PIEZO2: variants seen among roughly 807,000 people sequenced by gnomAD.
PIEZO2 encodes the protein piezo type mechanosensitive ion channel component 2, also known as piezo-type mechanosensitive ion channel component 2.
A neutral mutation model predicts 337.3 loss-of-function variants in PIEZO2; 172 were observed. The observed-to-expected ratio is 0.51, with a 90% CI of 0.45 to 0.58. PIEZO2 has a LOEUF of 0.58. PIEZO2 is among the 20% of genes least tolerant of loss of function. The probability of loss-of-function intolerance (pLI) is 0.00; values close to 1 mark genes in which losing one functional copy is unlikely to be tolerated. For missense variants in PIEZO2, 3,028 were observed against 3,391.3 expected (o/e 0.89, Z 2.66); for synonymous variants, 1,251 against 1,228.5 (o/e 1.02, Z -0.38).
rs1324357923 is a variant in PIEZO2, at chr18:10,696,159, C to G, written c.7105G>C (p.Val2369Leu). 4.3e-6 allele frequency: 7 copies of G among 1,614,034 alleles called. No individual in the cohort carries two copies. Among genetic ancestry groups the G allele is most frequent in the Non-Finnish European group, 5.1e-6 (6 of 1,179,968 alleles). The change falls in exon 47 of 56, where the codon GTA (valine) becomes CTA (leucine). Residue 2369 changes from valine to leucine, a missense_variant. This residue lies in a region of PIEZO2 where 179 missense variants were observed against 281.8 expected (regional missense o/e 0.64). Coordinates refer to ENST00000674853, the MANE Select transcript of PIEZO2 (RefSeq NM_001378183.1). Reference protein sequence around the residue: ...VDRALYLRKTVLGKVIFQVIL... With the variant: ...VDRALYLRKTLLGKVIFQVIL... ...ACCTGGAAGATGACCTTTCCCAGTA[C>G]AGTCTTCCTGAGGTAGAGGGCTCGG...
intron 1 of PIEZO2, among the ~76,000 whole-genome samples, chr18:11,124,987 A>T (rs1437980671): frequency 6.6e-6 from 1 of 152,166 alleles, no homozygotes; most frequent in East Asian, 1.9e-4. Context: ...GTCCAGGTGT[A>T]GATCTACCAC....
intron 1 of PIEZO2, among the ~76,000 whole-genome samples, chr18:11,072,185 C>T (rs1175335294): frequency 6.6e-6 from 1 of 152,162 alleles, no homozygotes; most frequent in Non-Finnish European, 1.5e-5. Context: ...TCTTTGTTAT[C>T]TCTGTCATCT....
In PIEZO2 at chr18:10,828,145, T is replaced by G. The variant is rs990281388; in HGVS notation, c.918-20871A>C. 2.0e-5 allele frequency among the ~76,000 whole-genome samples: 3 copies of G among 150,492 alleles called. No individual in the cohort carries two copies. Among genetic ancestry groups the G allele is most frequent in the Admixed American group, 6.6e-5 (1 of 15,144 alleles). On this transcript the variant is annotated intron_variant, in intron 7 of 55. Transcript: ENST00000674853. The surrounding 1 kb of genome is among the most constrained non-coding windows in gnomAD (Gnocchi z 4.1). Reference sequence around the variant, plus strand: ...TTTTTTGTTTGTTTGTTTTTGTTTTTTTTTTTTTTTACAGTAAAACCAATC... The same window carrying G: ...TTTTTTGTTTGTTTGTTTTTGTTTTGTTTTTTTTTTACAGTAAAACCAATC...
At position 10,731,466 on chromosome 18, in the gene PIEZO2, T is replaced by C. The variant is rs1254076167; in HGVS notation, c.4970A>G (p.Lys1657Arg). The C allele has an allele frequency of 6.5e-7, 1 of 1,535,830 alleles. No individual in the cohort carries two copies. Among genetic ancestry groups the C allele is most frequent in the Middle Eastern group, 1.7e-4 (1 of 5,984 alleles). The change falls in exon 36 of 56, where the codon AAA (lysine) becomes AGA (arginine). Residue 1657 changes from lysine (K) to arginine (R), a missense_variant. This residue lies in a region of PIEZO2 where 1,925 missense variants were observed against 2,051.9 expected (regional missense o/e 0.94). Transcript: ENST00000674853. ...DPKTALRQRHKEKKRSAREER... is the reference protein window; with the variant it reads ...DPKTALRQRHREKKRSAREER... ...TTCTCTTGCAGACCTTTTTTTCTCT[T>C]TGTGTCTTTGTCGGAGTGCTGTTTT...
chr18:10,961,748 G>A (rs1419586744), intron 3 of PIEZO2, among the ~76,000 whole-genome samples: 1 of 151,914 alleles, frequency 6.6e-6, no homozygotes, highest in Non-Finnish European at 1.5e-5. Context: ...TCCACAAAGA[G>A]AATTTGAGTT....
In PIEZO2 at chr18:10,688,512, C is replaced by T. The variant is rs116751590; in HGVS notation, c.7497+1143G>A. The stretch of plus-strand genomic sequence containing the variant: ...GACTTAGGGCAGAGGTTTCATAAGT[C>T]CCCTGTGTGTGATCCTTTGCATGTA... On this transcript the variant is annotated intron_variant, in intron 49 of 55. Transcript: ENST00000674853. Among the ~76,000 whole-genome samples the T allele has an allele frequency of 7.6e-3, 1,158 of 152,150 alleles. 12 individuals are homozygous for T. The highest frequency in any genetic ancestry group is 0.026 in the African/African-American group (1,094 of 41,474).
chr18:11,114,416 A>G (rs761989464), intron 1 of PIEZO2, among the ~76,000 whole-genome samples: 3 of 152,262 alleles, frequency 2.0e-5, no homozygotes, highest in Non-Finnish European at 4.4e-5. Flanking sequence ...CTGTAATCCC[A>G]GCACTTTGGG....
rs896000182 is a variant in PIEZO2, at chr18:10,707,519, C to T, written c.5588+756G>A. Among the ~76,000 whole-genome samples the T allele has an allele frequency of 6.6e-5, 10 of 152,180 alleles. No individual in the cohort carries two copies. Among genetic ancestry groups the T allele is most frequent in the African/African-American group, 1.9e-4 (8 of 41,448 alleles). ...AAAACGAAACTTGTCTTGGATTAGG[C>T]TGTTTTCGTGTCAGGAGAAACACAG... On this transcript the variant is annotated intron_variant, in intron 40 of 55. Transcript: ENST00000674853. This position sits in a 1 kb window ranked among gnomAD's most constrained non-coding sequence, Gnocchi z 4.2.
At chr18:11,062,799 T>G (rs950801730) in intron 2 of PIEZO2, among the ~76,000 whole-genome samples, 1 of 152,324 alleles carries the variant, frequency 6.6e-6, no homozygotes, top group Non-Finnish European at 1.5e-5. Flanking sequence ...GGAACACTTT[T>G]ACACTGTTGG....
chr18:10,752,313 T>G (rs1169864046), intron 28 of PIEZO2, among the ~76,000 whole-genome samples: 1 of 152,240 alleles, frequency 6.6e-6, no homozygotes, highest in African/African-American at 2.4e-5. Flanking sequence ...CAGGGCCACT[T>G]CATAACTCAT....
chr18:10,782,229 A>AT (rs2039015018), intron 17 of PIEZO2, among the ~76,000 whole-genome samples: 3 of 130,004 alleles, frequency 2.3e-5, no homozygotes, highest in African/African-American at 8.7e-5. Context: ...ATCATAATAT[A>AT]TATGATTATA....
chr18:11,060,567 A>G (rs978345177), intron 2 of PIEZO2, among the ~76,000 whole-genome samples: 1 of 152,248 alleles, frequency 6.6e-6, no homozygotes, highest in African/African-American at 2.4e-5. Context: ...AAAAATGACA[A>G]AGGGGATATC....
At chr18:10,957,307 G>C (rs1283310662) in intron 3 of PIEZO2, among the ~76,000 whole-genome samples, 5 of 151,992 alleles carry the variant, frequency 3.3e-5, no homozygotes, top group Non-Finnish European at 2.9e-5. Flanking sequence ...TGAGGTAAGA[G>C]AGTCGCTTGA....
chr18:10,975,051 T>C (rs7240739), intron 3 of PIEZO2, among the ~76,000 whole-genome samples: 5,105 of 152,146 alleles, frequency 0.034, 150 homozygotes, highest in Middle Eastern at 0.075. Context: ...ACAGCAAAGC[T>C]CACCTGGAAC....
At chr18:10,990,197 A>G (rs1026987729) in intron 2 of PIEZO2, among the ~76,000 whole-genome samples, 2 of 152,230 alleles carry the variant, frequency 1.3e-5, no homozygotes, top group Non-Finnish European at 2.9e-5. Flanking sequence ...AAAAGGAGAC[A>G]TAACACAAAA....
chr18:10,897,698 C>A (rs2042939057), intron 4 of PIEZO2, among the ~76,000 whole-genome samples: 1 of 152,146 alleles, frequency 6.6e-6, no homozygotes, highest in Admixed American at 6.5e-5. Flanking sequence ...CAAACTAATA[C>A]ATTTAAACAC....
intron 1 of PIEZO2, among the ~76,000 whole-genome samples, chr18:11,106,337 A>G (rs1452622591): frequency 6.8e-6 from 1 of 146,694 alleles, no homozygotes; most frequent in Admixed American, 6.8e-5. Context: ...TGACCTCGTG[A>G]TCCGCCTGCC....
In PIEZO2 at chr18:10,731,506, A is replaced by G; in HGVS notation, c.4930T>C (p.Trp1644Arg). Residue 1644 changes from tryptophan (W) to arginine (R), a missense_variant, in exon 36 of 56, where the codon TGG (tryptophan) becomes CGG (arginine). Trp to Arg is a moderately radical substitution (Grantham distance 101). This residue lies in a region of PIEZO2 where 1,925 missense variants were observed against 2,051.9 expected (regional missense o/e 0.94). Transcript: ENST00000674853. ...IRAAKFVYQAWITDPKTALRQ... is the reference protein window; with the variant it reads ...IRAAKFVYQARITDPKTALRQ... ...AGTGCTGTTTTAGGATCAGTAATCC[A>G]GGCTTGATAAACAAACTGAAGGGAG... 1 of 1,527,042 alleles carries G rather than the reference A, an allele frequency of 6.5e-7. No individual in the cohort carries two copies. Among genetic ancestry groups the G allele is most frequent in the Non-Finnish European group, 8.8e-7 (1 of 1,142,070 alleles). The allele number at this position is 1,527,042 out of a possible 1,614,324, so 94.6% of individuals were successfully genotyped here. A position where few individuals can be genotyped will look rare whatever the true frequency, so the allele number is the denominator to read the frequency against.
chr18:10,926,654 T>G (rs2031757449), intron 3 of PIEZO2, among the ~76,000 whole-genome samples: 1 of 152,136 alleles, frequency 6.6e-6, no homozygotes, highest in South Asian at 2.1e-4. Context: ...CGAAAAAAAC[T>G]GAAAGCAAGA....
Sources: allele counts gnomAD v4.1 joint callset (sites outside exome capture counted in the v4.1 genomes callset), GRCh38; gene constraint gnomAD v4.1.1; regional missense constraint gnomAD v4.1.1; non-coding constraint Gnocchi (gnomAD v3.1); transcripts MANE v1.5; gene names NCBI Gene and HGNC (gene_info 2026-07-23, HGNC 2026-07-21).